CWF19L2: variants seen among roughly 807,000 people sequenced by gnomAD.
The protein encoded by CWF19L2 is CWF19 like cell cycle control factor 2.
Under a neutral mutation model 111.7 loss-of-function variants are expected in CWF19L2, and 98 were observed. The ratio of observed to expected loss-of-function variants is 0.88; its 90% confidence interval spans 0.75 to 1.04. The LOEUF (loss-of-function observed/expected upper bound fraction) is 1.04. CWF19L2 is among the 50% of genes least tolerant of loss of function. The pLI is 0.00. For synonymous variants in CWF19L2, 351 were observed against 342.9 expected (o/e 1.02, Z -0.26); for missense variants, 1,101 against 1,051.4 (o/e 1.05, Z -0.65).
chr11:107,337,198 C>A (rs533194409), intron 14 of CWF19L2, among the ~76,000 whole-genome samples: 30 of 152,312 alleles, frequency 2.0e-4, no homozygotes, highest in African/African-American at 5.8e-4. Context: ...TCACTAATAA[C>A]CTTGTATATT....
chr11:107,328,157 A>C (rs1020376197), intron 17 of CWF19L2, among the ~76,000 whole-genome samples: 1 of 143,892 alleles, frequency 6.9e-6, no homozygotes. Flanking sequence ...AAAAAAAAAA[A>C]CAATCTATTT....
At chr11:107,339,090 T>C (rs1383843272) in intron 14 of CWF19L2, among the ~76,000 whole-genome samples, 1 of 152,182 alleles carries the variant, frequency 6.6e-6, no homozygotes, top group Non-Finnish European at 1.5e-5. Context: ...TTTTTTGACT[T>C]TTTAATAGTA....
intron 10 of CWF19L2, chr11:107,404,134 T>G (rs1391840917): frequency 2.6e-6 from 2 of 775,520 alleles, no homozygotes; most frequent in African/African-American, 1.7e-5. Flanking sequence ...ACTTTCTTCC[T>G]CTAAAGCAGC....
chr11:107,445,599 C>T (rs551462700), intron 3 of CWF19L2, among the ~76,000 whole-genome samples: 5 of 58,968 alleles, frequency 8.5e-5, no homozygotes, highest in African/African-American at 1.3e-4. Flanking sequence ...AGCAAAACTC[C>T]GCCTTAAAAA....
In CWF19L2 at chr11:107,429,148, C is replaced by G. The variant is rs1565280563; in HGVS notation, c.1084G>C (p.Gly362Arg). ...CTCAAGAATTTAGCTCTCAAATTGC[C>G]AAAAGAAAACTCTTGATTTTGCCTT... ...NPRQNQEFSF[G>R]NLRAKFLRPS... is the part of the protein sequence containing the mutation. Residue 362 changes from glycine (G) to arginine (R), a missense_variant, in exon 8 of 18, where the codon GGC becomes CGC. Coordinates refer to ENST00000282251, the MANE Select transcript of CWF19L2 (RefSeq NM_152434.3). 1 of 1,613,788 alleles carries G rather than the reference C, an allele frequency of 6.2e-7. No individual in the cohort carries two copies. The highest frequency in any genetic ancestry group is 8.5e-7 in the Non-Finnish European group (1 of 1,179,804).
At chr11:107,390,715 T>C (rs1860834674) in intron 11 of CWF19L2, among the ~76,000 whole-genome samples, 1 of 152,234 alleles carries the variant, frequency 6.6e-6, no homozygotes, top group South Asian at 2.1e-4. Flanking sequence ...GTAACTGGGC[T>C]ATGAGCATGA....
chr11:107,369,678 A>T (rs1381200905), intron 12 of CWF19L2, among the ~76,000 whole-genome samples: 1 of 138,276 alleles, frequency 7.2e-6, no homozygotes, highest in Non-Finnish European at 1.6e-5. Context: ...TACATTTTCA[A>T]AATTACTTTA....
chr11:107,433,052 C>A lies in CWF19L2; in HGVS notation c.780+582G>T, dbSNP rs150677997. Among the ~76,000 whole-genome samples the A allele has an allele frequency of 8.9e-3, 1,353 of 152,192 alleles. 17 individuals carry two copies. Among genetic ancestry groups the A allele is most frequent in the African/African-American group, 0.031 (1,287 of 41,516 alleles). On this transcript the variant is annotated intron_variant, in intron 7 of 17. Coordinates refer to ENST00000282251, the MANE Select transcript of CWF19L2 (RefSeq NM_152434.3). ...AAAAGCCAGGGCATATTCTACGAGT[C>A]TACTTTAAAACTCTGGGGGAAAATA... is the stretch of plus-strand genomic sequence containing the variant.
At chr11:107,455,812 T>C (rs1861846544) in intron 1 of CWF19L2, 36 bp from the exon 2 acceptor site, 3 of 1,297,370 alleles carry the variant, frequency 2.3e-6, no homozygotes, top group Non-Finnish European at 2.2e-6. Flanking sequence ...AAACTGGCAA[T>C]TGACCCAACT....
At chr11:107,414,570 C>T (rs1861200039) in intron 10 of CWF19L2, among the ~76,000 whole-genome samples, 1 of 152,152 alleles carries the variant, frequency 6.6e-6, no homozygotes, top group Non-Finnish European at 1.5e-5. Flanking sequence ...CATCCAACTG[C>T]CTACTTGACA....
rs746625791 is a variant in CWF19L2 at position 107,327,018 on chromosome 11, T to C, written c.2577A>G (p.Arg859=). The change falls in exon 18 of 18, where the codon AGA becomes AGG. Residue 859 remains arginine (R), a synonymous_variant. Transcript: ENST00000282251. ...IIGGMLDIEP[R]LWRKGIRESF... is the part of the protein sequence containing the mutation. ...TTTCTCGGATGCCTTTCCTCCAAAG[T>C]CTTGGTTCTATATCCAGCATCCCAC... 6.2e-7 allele frequency: 1 copy of C among 1,611,414 alleles called. No homozygotes were observed. The highest frequency in any genetic ancestry group is 1.1e-5 in the South Asian group (1 of 90,658).
intron 12 of CWF19L2, among the ~76,000 whole-genome samples, chr11:107,381,602 A>G (rs1466010787): frequency 6.6e-6 from 1 of 152,200 alleles, no homozygotes; most frequent in African/African-American, 2.4e-5. Context: ...ATTAAAGTCT[A>G]TGAGAATGAA....
intron 7 of CWF19L2, 66 bp downstream of exon 7, chr11:107,433,568 C>G: frequency 1.7e-6 from 1 of 581,982 alleles, no homozygotes; most frequent in South Asian, 3.9e-5. Flanking sequence ...CAAAACAAAG[C>G]TAAAGGCACT....
intron 10 of CWF19L2, among the ~76,000 whole-genome samples, chr11:107,401,952 G>C (rs147616813): frequency 6.6e-6 from 1 of 151,974 alleles, no homozygotes; most frequent in Non-Finnish European, 1.5e-5. Flanking sequence ...ACTGACCTTC[G>C]ACAAATCAAA....
At chr11:107,402,536 C>T (rs1861015732) in intron 10 of CWF19L2, among the ~76,000 whole-genome samples, 2 of 152,028 alleles carry the variant, frequency 1.3e-5, no homozygotes, top group South Asian at 4.1e-4. Flanking sequence ...TGCAATACCA[C>T]TTTACTCCTG....
chr11:107,403,656 T>C, intron 10 of CWF19L2: 2 of 775,312 alleles, frequency 2.6e-6, no homozygotes, highest in South Asian at 2.7e-5. Flanking sequence ...TCACCTTTGT[T>C]TGGTGCTTGT....
chr11:107,431,193 A>G (rs1251514622), intron 7 of CWF19L2, among the ~76,000 whole-genome samples: 2 of 151,992 alleles, frequency 1.3e-5, no homozygotes, highest in African/African-American at 4.8e-5. Flanking sequence ...AAGAAAAGAA[A>G]GTTTAAGTAT....
chr11:107,449,918 G>A (rs687991), intron 3 of CWF19L2, among the ~76,000 whole-genome samples: 1 of 152,010 alleles, frequency 6.6e-6, no homozygotes, highest in African/African-American at 2.4e-5. Context: ...ATATACTGTC[G>A]AATATAGTAG....
At chr11:107,425,348 G>A (rs764085304) in intron 8 of CWF19L2, among the ~76,000 whole-genome samples, 8 of 151,710 alleles carry the variant, frequency 5.3e-5, no homozygotes, top group South Asian at 2.1e-4. Context: ...CAGTAATCCC[G>A]TAAGATTATA....
Sources: gnomAD v4.1 joint callset for allele counts (sites outside exome capture counted in the v4.1 genomes callset) on GRCh38, gnomAD v4.1.1 for gene constraint, MANE v1.5 for transcripts, NCBI Gene and HGNC (gene_info 2026-07-23, HGNC 2026-07-21) for gene names.